TMEM117: variants seen among roughly 807,000 people sequenced by gnomAD.
TMEM117 encodes transmembrane protein 117.
A neutral mutation model predicts 52.4 loss-of-function variants in TMEM117; 27 were observed. The observed-to-expected ratio is 0.51, with a 90% CI of 0.38 to 0.71. TMEM117 has a LOEUF of 0.71. Among genes scored for constraint, TMEM117 ranks in the 30% least tolerant of loss-of-function variants. TMEM117 has a pLI of 0.00. For synonymous variants in TMEM117, 215 were observed against 206.3 expected, an observed-to-expected ratio of 1.04 and a Z score of -0.36; for missense variants, 556 against 630.5, an observed-to-expected ratio of 0.88 and a Z score of 1.26.
rs1226159503 is a variant in TMEM117, at chr12:44,388,516, C to A, written c.1389C>A (p.Asp463Glu). Residue 463 changes from aspartate (D) to glutamate (E), a missense_variant, in exon 8 of 8, where the codon GAC becomes GAA. Physicochemically the swap from Asp to Glu is conservative, Grantham distance 45 (BLOSUM62 2). Transcript: ENST00000266534. ...CTTCAGTAGAAGACCCCTTGAATGA[C>A]CCTTCTTTGGTTTGCATCAGGTCTG... is the stretch of plus-strand genomic sequence containing the variant. ...TQASVEDPLN[D>E]PSLVCIRSDF... 1.2e-6 allele frequency: 2 copies of A among 1,613,444 alleles called. No homozygotes were observed. The highest frequency in any genetic ancestry group is 1.1e-5 in the South Asian group (1 of 91,076).
At chr12:44,082,515 T>C (rs941515959) in intron 3 of TMEM117, among the ~76,000 whole-genome samples, 17 of 152,042 alleles carry the variant, frequency 1.1e-4, no homozygotes, top group Admixed American at 1.1e-3. Context: ...CTTCTTATGG[T>C]TTTTAAAACA....
intron 3 of TMEM117, among the ~76,000 whole-genome samples, chr12:44,054,447 A>G (rs568235093): frequency 3.3e-5 from 5 of 152,174 alleles, no homozygotes; most frequent in African/African-American, 1.2e-4. Flanking sequence ...TTGAAATTCA[A>G]CTGAACTGTG....
At chr12:44,274,763 G>A (rs1050280216) in intron 5 of TMEM117, among the ~76,000 whole-genome samples, 2 of 152,062 alleles carry the variant, frequency 1.3e-5, no homozygotes, top group Non-Finnish European at 2.9e-5. Context: ...TCGGAAGAAT[G>A]AAATTAGACC....
intron 4 of TMEM117, among the ~76,000 whole-genome samples, chr12:44,166,076 A>G: frequency 6.6e-6 from 1 of 152,200 alleles, no homozygotes; most frequent in East Asian, 1.9e-4. Flanking sequence ...TGAACTTTAC[A>G]AACTGTACAA....
intron 5 of TMEM117, among the ~76,000 whole-genome samples, chr12:44,278,089 G>C (rs751066505): frequency 6.6e-6 from 1 of 152,116 alleles, no homozygotes; most frequent in African/African-American, 2.4e-5. Context: ...AGGGGCTCAT[G>C]TGATTGGGTT....
intron 6 of TMEM117, among the ~76,000 whole-genome samples, chr12:44,320,108 G>C (rs1451365483): frequency 6.6e-6 from 1 of 152,088 alleles, no homozygotes; most frequent in African/African-American, 2.4e-5. Context: ...GGGCATCTCT[G>C]GTTCATCATG....
chr12:44,019,994 T>C (rs953732896), intron 3 of TMEM117, among the ~76,000 whole-genome samples: 1 of 152,220 alleles, frequency 6.6e-6, no homozygotes, highest in African/African-American at 2.4e-5. Flanking sequence ...ATAGACATTC[T>C]TCCTCCTACT....
intron 5 of TMEM117, among the ~76,000 whole-genome samples, chr12:44,241,820 T>A (rs1043985512): frequency 3.9e-5 from 6 of 152,028 alleles, no homozygotes; most frequent in Admixed American, 3.3e-4. Flanking sequence ...GACTTCCTAG[T>A]CTTCTCTATA....
chr12:44,351,191 T>G (rs1951557334), intron 6 of TMEM117, among the ~76,000 whole-genome samples: 1 of 151,944 alleles, frequency 6.6e-6, no homozygotes, highest in African/African-American at 2.4e-5. Context: ...TTTTGTCTAT[T>G]TTTTATTGGA....
In TMEM117 at chr12:44,211,213, T is replaced by A. The variant is rs900246623; in HGVS notation, c.511-77T>A. 3 of 960,218 alleles carry A rather than the reference T, an allele frequency of 3.1e-6. No individual in the cohort carries two copies. In the African/African-American group the frequency reaches 5.0e-5, roughly 16 times the overall value. The allele number at this position is 960,218 out of a possible 1,614,324, so 59.5% of individuals were successfully genotyped here. A position where few individuals can be genotyped will look rare whatever the true frequency, so the allele number is the denominator to read the frequency against. ...TATACTTATTCTGTTCTCAATAGAATGTAAATTATAGGCTTATAGTTAAAT... is the reference window on the plus strand; with the variant it reads ...TATACTTATTCTGTTCTCAATAGAAAGTAAATTATAGGCTTATAGTTAAAT... On this transcript the variant is annotated intron_variant, in intron 4 of 7. Transcript: ENST00000266534.
At chr12:44,282,379 G>A (rs1950588748) in intron 5 of TMEM117, among the ~76,000 whole-genome samples, 1 of 152,144 alleles carries the variant, frequency 6.6e-6, no homozygotes, top group Non-Finnish European at 1.5e-5. Context: ...GAAAATATGG[G>A]AAAGTTTGGA....
intron 2 of TMEM117, among the ~76,000 whole-genome samples, chr12:43,926,200 T>A (rs1380093482): frequency 6.6e-6 from 1 of 152,232 alleles, no homozygotes; most frequent in Admixed American, 6.5e-5. Flanking sequence ...GTGAAATTCT[T>A]ACCTGAAATC....
At chr12:44,304,357 C>G (rs1428177982) in intron 6 of TMEM117, among the ~76,000 whole-genome samples, 1 of 152,172 alleles carries the variant, frequency 6.6e-6, no homozygotes, top group East Asian at 1.9e-4. Flanking sequence ...GGCTAAAGTG[C>G]TTTGGGATCC....
At chr12:43,867,097 A>G (rs1731455) in intron 2 of TMEM117, among the ~76,000 whole-genome samples, 107,563 of 150,620 alleles carry the variant, frequency 0.71, 41,507 homozygotes, top group East Asian at 0.87. Context: ...TCTCAAGAGA[A>G]AAAAAAAAAA....
chr12:43,798,920 A>G, the TMEM117 span, among the ~76,000 whole-genome samples: 16 of 152,100 alleles, frequency 1.1e-4, no homozygotes, highest in Non-Finnish European at 1.0e-4. Flanking sequence ...GCTGAAATTT[A>G]TTGACTCTAA....
At chr12:44,294,764 C>T (rs183900671) in intron 5 of TMEM117, among the ~76,000 whole-genome samples, 25 of 152,270 alleles carry the variant, frequency 1.6e-4, no homozygotes, top group Admixed American at 1.1e-3. Flanking sequence ...TGTTAGCATA[C>T]TCAGTGTCAT....
intron 4 of TMEM117, among the ~76,000 whole-genome samples, chr12:44,191,414 CTATAAACTATATACATATAGCTGTA>C (rs1205201183): frequency 1.3e-5 from 2 of 152,136 alleles, no homozygotes; most frequent in East Asian, 3.9e-4. Context: ...ATTTATCTAT[CTATAAACTATATACATATAGCTGTA>C]TATATACCAT....
At chr12:44,325,800 A>T (rs900501028) in intron 6 of TMEM117, among the ~76,000 whole-genome samples, 13 of 152,312 alleles carry the variant, frequency 8.5e-5, no homozygotes, top group Middle Eastern at 3.4e-3. Context: ...ATGCGTGTAT[A>T]CAAATTCTTG....
intron 4 of TMEM117, among the ~76,000 whole-genome samples, chr12:44,199,504 T>G (rs1397044171): frequency 6.6e-6 from 1 of 152,138 alleles, no homozygotes; most frequent in African/African-American, 2.4e-5. Flanking sequence ...ATGACCACAT[T>G]TTCTTCAATG....
Sources: allele counts gnomAD v4.1 joint callset (sites outside exome capture counted in the v4.1 genomes callset), GRCh38; gene constraint gnomAD v4.1.1; transcripts MANE v1.5; gene names NCBI Gene and HGNC (gene_info 2026-07-23, HGNC 2026-07-21).